Variants in CRADD observed in about 807,000 individuals in gnomAD.
The protein encoded by CRADD is death domain-containing protein CRADD.
A neutral mutation model predicts 15.5 loss-of-function variants in CRADD; 9 were observed. The ratio of observed to expected loss-of-function variants is 0.58; its 90% CI spans 0.35 to 1.01. The LOEUF (loss-of-function observed/expected upper bound fraction) is 1.01, where lower values mean the gene tolerates loss of function less well. CRADD is among the 50% of genes least tolerant of loss of function. The pLI is 0.02. For synonymous variants in CRADD, 118 were observed against 107.6 expected, an observed-to-expected ratio of 1.10 and a Z score of -0.60; for missense variants, 227 against 250.3, an observed-to-expected ratio of 0.91 and a Z score of 0.63.
intron 2 of CRADD, among the ~76,000 whole-genome samples, chr12:93,882,663 G>A (rs2137074113): frequency 1.3e-5 from 2 of 152,212 alleles, no homozygotes; most frequent in East Asian, 3.9e-4. Context: ...TAAAATAAAT[G>A]TGGCCTCTTT....
chr12:93,802,886 G>A (rs1337793576), intron 2 of CRADD, among the ~76,000 whole-genome samples: 1 of 152,182 alleles, frequency 6.6e-6, no homozygotes, highest in Admixed American at 6.5e-5. Flanking sequence ...TAGCATGTGT[G>A]CAAGTAGGCA....
At chr12:93,726,811 A>G (rs554685829) in intron 2 of CRADD, among the ~76,000 whole-genome samples, 27 of 152,254 alleles carry the variant, frequency 1.8e-4, no homozygotes, top group African/African-American at 6.3e-4. Context: ...AAGATGGTGT[A>G]CTACAGCACT....
chr12:93,831,107 A>T (rs143186041), intron 2 of CRADD: 1 of 152,384 alleles, frequency 6.6e-6, no homozygotes, highest in Non-Finnish European at 1.5e-5. Flanking sequence ...CTGGAGTCCC[A>T]GCTAATCAGG....
intron 2 of CRADD, among the ~76,000 whole-genome samples, chr12:93,882,441 G>A (rs565266082): frequency 7.6e-5 from 11 of 145,238 alleles, no homozygotes; most frequent in South Asian, 4.3e-4. Flanking sequence ...AAAAAAAAAC[G>A]GAAAAGAAAA....
intron 2 of CRADD, among the ~76,000 whole-genome samples, chr12:93,695,420 C>G (rs1565874946): frequency 6.6e-6 from 1 of 152,018 alleles, no homozygotes; most frequent in Non-Finnish European, 1.5e-5. Flanking sequence ...TTGGATATGA[C>G]CCCAAAAGCA....
chr12:93,859,508 A>G, intron 2 of CRADD: 1 of 377,718 alleles, frequency 2.6e-6, no homozygotes, highest in South Asian at 2.0e-5. Context: ...TGGACAATTA[A>G]GGATATGATT....
chr12:93,836,273 G>A (rs1293531704), intron 2 of CRADD: 1 of 152,228 alleles, frequency 6.6e-6, no homozygotes, highest in East Asian at 1.9e-4. Flanking sequence ...GAGTTTGGGT[G>A]AATAATTGAT....
chr12:93,816,001 T>G (rs548511837), intron 2 of CRADD: 1 of 152,234 alleles, frequency 6.6e-6, no homozygotes, highest in Admixed American at 6.5e-5. Flanking sequence ...GATTCTAGAG[T>G]AGGGCTATCT....
chr12:93,734,077 C>G (rs1351421811), intron 2 of CRADD, among the ~76,000 whole-genome samples: 2 of 151,916 alleles, frequency 1.3e-5, no homozygotes, highest in African/African-American at 4.8e-5. Context: ...CCCTTCCTTT[C>G]TTTTTTTCCC....
chr12:93,803,179 C>T (rs200996598), intron 2 of CRADD, among the ~76,000 whole-genome samples: 1 of 152,172 alleles, frequency 6.6e-6, no homozygotes, highest in East Asian at 1.9e-4. Context: ...AAATACATTT[C>T]CCAGTCTGCC....
chr12:93,779,474 C>A (rs1024518470), intron 2 of CRADD, among the ~76,000 whole-genome samples: 1 of 149,714 alleles, frequency 6.7e-6, no homozygotes. Flanking sequence ...GATTTTTCAA[C>A]ATATAGAGAC....
At chr12:93,782,218 C>T (rs1957218334) in intron 2 of CRADD, among the ~76,000 whole-genome samples, 1 of 150,938 alleles carries the variant, frequency 6.6e-6, no homozygotes, top group Non-Finnish European at 1.5e-5. Flanking sequence ...TGGAAACCAG[C>T]ATTCTCAGCA....
chr12:93,823,473 T>G (rs1957791192), intron 2 of CRADD, among the ~76,000 whole-genome samples: 1 of 152,188 alleles, frequency 6.6e-6, no homozygotes, highest in Non-Finnish European at 1.5e-5. Context: ...AAAACAATTT[T>G]TTCAAATTAC....
chr12:93,868,010 T>G (rs115702004), intron 2 of CRADD, among the ~76,000 whole-genome samples: 1,539 of 152,314 alleles, frequency 0.01, 33 homozygotes, highest in African/African-American at 0.035. Flanking sequence ...GATTTAAAGT[T>G]GAAAACATCC....
At chr12:93,861,580 T>C (rs971435044) in intron 2 of CRADD, among the ~76,000 whole-genome samples, 3 of 152,188 alleles carry the variant, frequency 2.0e-5, no homozygotes, top group African/African-American at 7.2e-5. Context: ...GGCCTGGCCC[T>C]GCACCTCAAC....
intron 2 of CRADD, among the ~76,000 whole-genome samples, chr12:93,856,431 TG>T (rs1342012728): frequency 1.3e-5 from 2 of 152,336 alleles, no homozygotes; most frequent in South Asian, 4.1e-4. Flanking sequence ...CTCAGCCTGC[TG>T]GGGAGACAGC....
chr12:93,759,689 G>A (rs533626253), intron 2 of CRADD, among the ~76,000 whole-genome samples: 2 of 151,900 alleles, frequency 1.3e-5, no homozygotes, highest in South Asian at 4.1e-4. Flanking sequence ...TTTTCTTTTA[G>A]GAACCAATTC....
At chr12:93,774,407 A>G (rs1173814752) in intron 2 of CRADD, among the ~76,000 whole-genome samples, 1 of 152,210 alleles carries the variant, frequency 6.6e-6, no homozygotes, top group Non-Finnish European at 1.5e-5. Flanking sequence ...TTAGTGGCCA[A>G]TGCAAGATCA....
intron 2 of CRADD, among the ~76,000 whole-genome samples, chr12:93,751,344 G>A (rs1471816): frequency 0.56 from 85,888 of 152,020 alleles, 25,301 homozygotes; most frequent in East Asian, 0.89. Context: ...CTAAACAGGA[G>A]GTTCAGTCAA....
Sources: allele counts gnomAD v4.1 joint callset (sites outside exome capture counted in the v4.1 genomes callset), GRCh38; gene constraint gnomAD v4.1.1; transcripts MANE v1.5; gene names NCBI Gene and HGNC (gene_info 2026-07-23, HGNC 2026-07-21).